EBF1: variants seen among roughly 807,000 people sequenced by gnomAD.
The protein encoded by EBF1 is EBF transcription factor 1.
Under a neutral mutation model 68.4 loss-of-function variants are expected in EBF1, and 10 were observed. That is an observed-to-expected ratio of 0.15 (90% confidence interval 0.09 to 0.25). The LOEUF (loss-of-function observed/expected upper bound fraction) is 0.25. Ranked by LOEUF, EBF1 falls within the 10% of genes least tolerant of loss-of-function variation. The probability of loss-of-function intolerance (pLI) is 1.00; values close to 1 mark genes in which losing one functional copy is unlikely to be tolerated. For synonymous variants in EBF1, 298 were observed against 299.8 expected (o/e 0.99, Z 0.06); for missense variants, 509 against 794.4 (o/e 0.64, Z 4.32).
intron 9 of EBF1, among the ~76,000 whole-genome samples, chr5:158,788,018 T>TTGAA (rs1561928099): frequency 6.9e-6 from 1 of 144,006 alleles, no homozygotes; most frequent in Admixed American, 7.5e-5. Context: ...GAGCATTTGT[T>TTGAA]TGACTGAATG....
At chr5:158,740,807 C>T (rs1427077087) in intron 10 of EBF1, among the ~76,000 whole-genome samples, 1 of 152,188 alleles carries the variant, frequency 6.6e-6, no homozygotes, top group Non-Finnish European at 1.5e-5. Context: ...TCTCCTCCCC[C>T]TGACTATTAT....
In EBF1 at chr5:158,989,011, T is replaced by C. The variant is rs182690654; in HGVS notation, c.554+84385A>G. Among the ~76,000 whole-genome samples, 301 of 152,282 alleles carry C rather than the reference T, an allele frequency of 2.0e-3. 1 individual carries two copies. Among genetic ancestry groups the C allele is most frequent in the Non-Finnish European group, 3.8e-3 (258 of 68,014 alleles). On this transcript the variant is annotated intron_variant, in intron 6 of 15. Transcript: ENST00000313708. ...TGCCCACCGCAGGCTTAGGCCCTCT[T>C]CTCTGCCCCAGAGGAACATCGTTGA... is the stretch of plus-strand genomic sequence containing the variant.
At chr5:159,007,669 C>T (rs114982528) in intron 6 of EBF1, among the ~76,000 whole-genome samples, 363 of 152,252 alleles carry the variant, frequency 2.4e-3, no homozygotes, top group African/African-American at 8.2e-3. Context: ...CCCCTTCGTG[C>T]ACCTGAGAGA....
Position 158,710,786 on chromosome 5 carries a change from G to C in EBF1, c.1549+1368C>G, listed in dbSNP as rs368092042. Among the ~76,000 whole-genome samples, 203 of 152,310 alleles carry C rather than the reference G, an allele frequency of 1.3e-3. 4 individuals are homozygous for C. The South Asian group carries it at 0.018, about 14-fold the overall frequency. The stretch of plus-strand genomic sequence containing the variant: ...TTCACTATGAGACAGGGCATCATTT[G>C]CTGTATTTTTAGCCAAGACTCCTTA... On this transcript the variant is annotated intron_variant, in intron 14 of 15. Transcript: ENST00000313708.
chr5:158,797,605 T>A (rs144530424), intron 8 of EBF1, among the ~76,000 whole-genome samples: 14 of 152,288 alleles, frequency 9.2e-5, no homozygotes, highest in African/African-American at 3.4e-4. Flanking sequence ...TTTGTCAAAT[T>A]TGGCAAAATG....
intron 6 of EBF1, among the ~76,000 whole-genome samples, chr5:159,056,113 A>G (rs1030689693): frequency 2.0e-5 from 3 of 152,254 alleles, no homozygotes; most frequent in African/African-American, 4.8e-5. Flanking sequence ...GGGAGCAGAA[A>G]GGAATCCAGC....
chr5:159,074,393 T>C (rs116154737), intron 5 of EBF1, among the ~76,000 whole-genome samples: 16 of 152,340 alleles, frequency 1.1e-4, no homozygotes, highest in Admixed American at 2.6e-4. Context: ...ACCAGGGGCA[T>C]ACTTATAAAA....
chr5:158,968,709 T>C (rs1754688056), intron 6 of EBF1, among the ~76,000 whole-genome samples: 1 of 152,236 alleles, frequency 6.6e-6, no homozygotes, highest in South Asian at 2.1e-4. Flanking sequence ...AAAGGACTTA[T>C]GATCAACTTG....
At chr5:158,791,609 C>T (rs1219654861) in intron 9 of EBF1, among the ~76,000 whole-genome samples, 1 of 151,782 alleles carries the variant, frequency 6.6e-6, no homozygotes, top group Non-Finnish European at 1.5e-5. Context: ...CTTAAATACT[C>T]TAAATTGTAT....
chr5:158,968,096 A>G (rs1445039430), intron 6 of EBF1, among the ~76,000 whole-genome samples: 4 of 152,222 alleles, frequency 2.6e-5, no homozygotes, highest in Admixed American at 2.6e-4. Flanking sequence ...ATTGCAAAAA[A>G]AAATTATAAA....
At chr5:158,832,501 G>C (rs1409464111) in intron 7 of EBF1, among the ~76,000 whole-genome samples, 1 of 152,236 alleles carries the variant, frequency 6.6e-6, no homozygotes, top group Non-Finnish European at 1.5e-5. Context: ...TATGAAGAGA[G>C]TGATCGCAGC....
intron 9 of EBF1, among the ~76,000 whole-genome samples, chr5:158,781,913 T>A (rs952725395): frequency 1.3e-5 from 2 of 152,172 alleles, no homozygotes; most frequent in Non-Finnish European, 2.9e-5. Context: ...AACCCTCAGC[T>A]GCCCCCTTTG....
chr5:159,070,280 A>G (rs1175609662), intron 6 of EBF1, among the ~76,000 whole-genome samples: 1 of 152,206 alleles, frequency 6.6e-6, no homozygotes, highest in Non-Finnish European at 1.5e-5. Flanking sequence ...CTGCATTTAC[A>G]GCAATTTTTC....
intron 6 of EBF1, among the ~76,000 whole-genome samples, chr5:159,062,514 A>C (rs1054946186): frequency 2.0e-5 from 3 of 152,164 alleles, no homozygotes; most frequent in Non-Finnish European, 4.4e-5. Context: ...AGAATTCATT[A>C]ACCCTTCAAT....
intron 9 of EBF1, among the ~76,000 whole-genome samples, chr5:158,789,892 G>C (rs1778261516): frequency 6.6e-6 from 1 of 152,152 alleles, no homozygotes; most frequent in South Asian, 2.1e-4. Flanking sequence ...TGTGTACAAA[G>C]GAGAATGGAA....
chr5:158,772,437 T>C (rs1182699802), intron 10 of EBF1, among the ~76,000 whole-genome samples: 1 of 152,072 alleles, frequency 6.6e-6, no homozygotes, highest in African/African-American at 2.4e-5. Context: ...GGGGCTGAGA[T>C]GGAAATAAGA....
chr5:158,764,351 G>A (rs1228718328), intron 10 of EBF1, among the ~76,000 whole-genome samples: 2 of 152,178 alleles, frequency 1.3e-5, no homozygotes, highest in Non-Finnish European at 2.9e-5. Flanking sequence ...TTAAAACTCT[G>A]TAAGCCTTGT....
intron 9 of EBF1, among the ~76,000 whole-genome samples, chr5:158,790,194 C>T (rs1180111525): frequency 6.6e-6 from 1 of 152,202 alleles, no homozygotes; most frequent in East Asian, 1.9e-4. Flanking sequence ...CTAAGTGGTA[C>T]TGGCAATCTT....
intron 5 of EBF1, among the ~76,000 whole-genome samples, chr5:159,077,539 C>A (rs1778990838): frequency 6.6e-6 from 1 of 152,038 alleles, no homozygotes; most frequent in Non-Finnish European, 1.5e-5. Context: ...ATTCATTTGT[C>A]TTTTATTGTC....
Sources: gnomAD v4.1 joint callset for allele counts (sites outside exome capture counted in the v4.1 genomes callset) on GRCh38, gnomAD v4.1.1 for gene constraint, MANE v1.5 for transcripts, NCBI Gene and HGNC (gene_info 2026-07-23, HGNC 2026-07-21) for gene names.